Variants in SH3D19 observed in about 807,000 individuals in gnomAD.
The protein encoded by SH3D19 is SH3 domain-containing protein 19.
In SH3D19, 58 loss-of-function variants were observed where a neutral mutation model predicts 112.1. That is an observed-to-expected ratio of 0.52 (90% CI 0.42 to 0.64). SH3D19 has a LOEUF of 0.64. SH3D19 is among the 30% of genes least tolerant of loss of function. The probability of loss-of-function intolerance (pLI) is 0.00; values close to 1 mark genes in which losing one functional copy is unlikely to be tolerated. For missense variants in SH3D19, 1,090 were observed against 1,263.4 expected (o/e 0.86, Z 2.08); for synonymous variants, 391 against 448.5 (o/e 0.87, Z 1.62).
intron 1 of SH3D19, among the ~76,000 whole-genome samples, chr4:151,302,791 G>A (rs893131620): frequency 8.6e-5 from 13 of 151,332 alleles, no homozygotes; most frequent in East Asian, 1.9e-4. Flanking sequence ...ACCAAATACC[G>A]CATGTTCATA....
rs1197575276 is a variant in SH3D19, at chr4:151,325,596, C to G, written c.-244G>C. On this transcript the variant is annotated 5_prime_UTR_variant, in exon 1 of 20. Coordinates refer to ENST00000604030, the MANE Select transcript of SH3D19 (RefSeq NM_001378122.1). Reference sequence around the variant, plus strand: ...CCTCCTTGCGGCGTCCCGGCGGCCTCTTAATCCCTGGCCTTTCCCACTCCC... The same window carrying G: ...CCTCCTTGCGGCGTCCCGGCGGCCTGTTAATCCCTGGCCTTTCCCACTCCC... 1 of 256,070 alleles carries G rather than the reference C, an allele frequency of 3.9e-6. No homozygotes were observed. Among genetic ancestry groups the G allele is most frequent in the East Asian group, 7.3e-5 (1 of 13,730 alleles). 15.9% of individuals were successfully genotyped at this position (256,070 alleles called of 1,614,324 possible).
rs965265890 is a variant in SH3D19, at chr4:151,126,517, C to T, written c.3027+1101G>A. Among the ~76,000 whole-genome samples, 10 of 152,050 alleles carry T rather than the reference C, an allele frequency of 6.6e-5. No homozygotes were observed. The South Asian group carries it at 8.3e-4, about 13-fold the overall frequency. ...AATCATGAAAATATCTACTTTTGGC[C>T]GGGCGCGGTGGCTCACGCCTGTAAT... On this transcript the variant is annotated intron_variant, in intron 19 of 19. Transcript: ENST00000604030.
chr4:151,215,202 A>G (rs1390521488), intron 2 of SH3D19, among the ~76,000 whole-genome samples: 3 of 152,224 alleles, frequency 2.0e-5, no homozygotes, highest in Non-Finnish European at 2.9e-5. Context: ...GAATACAGGC[A>G]TGAGCCACCA....
chr4:151,143,292 G>A (rs576619916), intron 12 of SH3D19, among the ~76,000 whole-genome samples: 6 of 150,760 alleles, frequency 4.0e-5, no homozygotes, highest in African/African-American at 1.5e-4. Flanking sequence ...AAAGCTTTTT[G>A]GCAGTATAAC....
chr4:151,279,440 G>A (rs1773971677), intron 1 of SH3D19, among the ~76,000 whole-genome samples: 1 of 152,178 alleles, frequency 6.6e-6, no homozygotes, highest in South Asian at 2.1e-4. Context: ...CTAATAGGTA[G>A]AAGGCATTTG....
Position 151,139,981 on chromosome 4 carries a change from C to G in SH3D19, c.2224-134G>C, listed in dbSNP as rs558098811. ...TACATTATGAGTACATGATGCAAAC[C>G]ACACAGTTGAGCCAAACAAGGGAAT... On this transcript the variant is annotated intron_variant, in intron 12 of 19. Transcript: ENST00000604030. The G allele has an allele frequency of 2.3e-4, 147 of 638,882 alleles. 1 individual carries two copies. The South Asian group carries it at 2.4e-3, about 11-fold the overall frequency. The allele number at this position is 638,882 out of a possible 1,614,324, so 39.6% of individuals were successfully genotyped here. A position where few individuals can be genotyped will look rare whatever the true frequency, so the allele number is the denominator to read the frequency against.
chr4:151,154,549 G>C (rs1052632556), intron 9 of SH3D19, among the ~76,000 whole-genome samples: 1 of 151,914 alleles, frequency 6.6e-6, no homozygotes, highest in Non-Finnish European at 1.5e-5. Flanking sequence ...CAAAGTGCTG[G>C]ATTACAGGTG....
chr4:151,135,180 C>T, intron 14 of SH3D19, 48 bp from the exon 15 acceptor site: 1 of 1,471,256 alleles, frequency 6.8e-7, no homozygotes, highest in African/African-American at 1.4e-5. Flanking sequence ...TTCAGATTTT[C>T]ATAAGATAAA....
chr4:151,127,772 C>T (rs1338461511), intron 18 of SH3D19, 57 bp from the exon 19 acceptor site: 1 of 1,046,292 alleles, frequency 9.6e-7, no homozygotes, highest in Non-Finnish European at 1.3e-6. Context: ...AAACACAAAT[C>T]TAACATTTTT....
chr4:151,268,008 G>A (rs1378905808), intron 1 of SH3D19, among the ~76,000 whole-genome samples: 1 of 152,210 alleles, frequency 6.6e-6, no homozygotes, highest in African/African-American at 2.4e-5. Context: ...TACATGACAT[G>A]TTGCTTAATG....
chr4:151,214,546 G>A (rs1220342840), intron 2 of SH3D19, among the ~76,000 whole-genome samples: 4 of 131,008 alleles, frequency 3.1e-5, no homozygotes, highest in Non-Finnish European at 6.9e-5. Flanking sequence ...GGGCAGAGGC[G>A]CCCCTCACCT....
chr4:151,155,255 T>C (rs533104774), intron 9 of SH3D19, among the ~76,000 whole-genome samples: 2 of 152,332 alleles, frequency 1.3e-5, no homozygotes, highest in East Asian at 3.9e-4. Flanking sequence ...TTAACGTTAG[T>C]AAGGTAGGAA....
chr4:151,288,052 A>AC (rs56006473), intron 1 of SH3D19, among the ~76,000 whole-genome samples: 144,708 of 151,968 alleles, frequency 0.95, 69,105 homozygotes, highest in Non-Finnish European at 0.99. Flanking sequence ...TATGGAAAAA[A>AC]ATTTGACAAA....
rs554997164 is a variant in SH3D19, at chr4:151,275,967, C to T, written c.112+49274G>A. ...AAGCGATTCTCCTGCCTCAGCCTCC[C>T]GAGTAGCTGTGACTACAGGTGCACG... On this transcript the variant is annotated intron_variant, in intron 1 of 19. Transcript: ENST00000604030. Among the ~76,000 whole-genome samples, 77 of 151,954 alleles carry T rather than the reference C, an allele frequency of 5.1e-4. 1 individual carries two copies. The highest frequency in any genetic ancestry group is 3.0e-3 in the Admixed American group (46 of 15,268).
intron 15 of SH3D19, among the ~76,000 whole-genome samples, chr4:151,133,537 G>A (rs534590352): frequency 6.6e-6 from 1 of 152,084 alleles, no homozygotes; most frequent in South Asian, 2.1e-4. Flanking sequence ...TGTATCCTTG[G>A]GCCACAGCAA....
At chr4:151,203,230 C>G (rs977423080) in intron 2 of SH3D19, among the ~76,000 whole-genome samples, 1 of 152,186 alleles carries the variant, frequency 6.6e-6, no homozygotes, top group African/African-American at 2.4e-5. Flanking sequence ...TCATCGCCAC[C>G]AGCCCTTTCC....
chr4:151,247,849 A>G (rs1771051463), intron 1 of SH3D19, among the ~76,000 whole-genome samples: 1 of 152,246 alleles, frequency 6.6e-6, no homozygotes, highest in African/African-American at 2.4e-5. Flanking sequence ...GGTACTCTGC[A>G]CAAATAGTAT....
chr4:151,126,620 C>A (rs543606017), intron 19 of SH3D19, among the ~76,000 whole-genome samples: 1 of 151,502 alleles, frequency 6.6e-6, no homozygotes, highest in African/African-American at 2.4e-5. Context: ...ATGGTGAAAC[C>A]TCGTCTCTAC....
intron 1 of SH3D19, among the ~76,000 whole-genome samples, chr4:151,296,293 G>C (rs1026044025): frequency 1.3e-5 from 2 of 152,086 alleles, no homozygotes; most frequent in Non-Finnish European, 2.9e-5. Flanking sequence ...TCAAAGAAAA[G>C]CTCAACCTAC....
Sources: gnomAD v4.1 joint callset for allele counts (sites outside exome capture counted in the v4.1 genomes callset) on GRCh38, gnomAD v4.1.1 for gene constraint, MANE v1.5 for transcripts, NCBI Gene and HGNC (gene_info 2026-07-23, HGNC 2026-07-21) for gene names.